CCNY: variants seen among roughly 807,000 people sequenced by gnomAD.
CCNY encodes the protein cyclin Y, also known as cyclin-Y.
In CCNY, 19 loss-of-function variants were observed where a neutral mutation model predicts 42.8. The ratio of observed to expected loss-of-function variants is 0.44; its 90% confidence interval spans 0.31 to 0.65. The LOEUF (loss-of-function observed/expected upper bound fraction) is 0.65. CCNY is among the 30% of genes least tolerant of loss of function. The pLI, the probability that CCNY is intolerant of heterozygous loss-of-function variation, is 0.07. For synonymous variants in CCNY, 165 were observed against 162.7 expected (o/e 1.01, Z -0.11); for missense variants, 370 against 437.3 (o/e 0.85, Z 1.37).
At chr10:35,266,608 G>GT (rs1456238539) in intron 3 of CCNY, among the ~76,000 whole-genome samples, 1 of 152,110 alleles carries the variant, frequency 6.6e-6, no homozygotes, top group Non-Finnish European at 1.5e-5. Context: ...CGAACAGAAT[G>GT]TAACAAGAGC....
chr10:35,540,866 CTG>C (rs748991891), intron 7 of CCNY, among the ~76,000 whole-genome samples: 3 of 152,088 alleles, frequency 2.0e-5, no homozygotes, highest in Non-Finnish European at 4.4e-5. Context: ...ATAATGTCCT[CTG>C]TTTTGTTTCT....
chr10:35,388,065 T>C (rs184688382), intron 1 of CCNY, among the ~76,000 whole-genome samples: 1 of 152,304 alleles, frequency 6.6e-6, no homozygotes, highest in East Asian at 1.9e-4. Flanking sequence ...CATTTCAGAA[T>C]GTGGCCTGAC....
intron 1 of CCNY, among the ~76,000 whole-genome samples, chr10:35,405,876 C>G (rs555673729): frequency 6.6e-6 from 1 of 152,290 alleles, no homozygotes; most frequent in Non-Finnish European, 1.5e-5. Context: ...AGATGGGACA[C>G]GGTTTAGGAG....
At chr10:35,443,059 C>T (rs926312191) in intron 1 of CCNY, among the ~76,000 whole-genome samples, 30 of 152,252 alleles carry the variant, frequency 2.0e-4, no homozygotes, top group Admixed American at 1.2e-3. Context: ...AGTAACAATA[C>T]GGTATAGAAG....
chr10:35,554,409 T>C (rs917216303), intron 8 of CCNY, among the ~76,000 whole-genome samples: 10 of 152,214 alleles, frequency 6.6e-5, no homozygotes, highest in African/African-American at 2.4e-4. Flanking sequence ...ATAAAGAAGT[T>C]TTTTTAATCA....
chr10:35,462,147 A>T (rs1839169977), intron 1 of CCNY, among the ~76,000 whole-genome samples: 1 of 152,236 alleles, frequency 6.6e-6, no homozygotes, highest in South Asian at 2.1e-4. Context: ...TGATGATTAA[A>T]TGTGAATATT....
At chr10:35,397,043 T>C (rs1328212870) in intron 1 of CCNY, among the ~76,000 whole-genome samples, 1 of 152,168 alleles carries the variant, frequency 6.6e-6, no homozygotes, top group East Asian at 1.9e-4. Flanking sequence ...ACGTGGCAGC[T>C]CCAGGTGCCC....
At chr10:35,303,307 A>T (rs909875983) in intron 3 of CCNY, among the ~76,000 whole-genome samples, 1 of 151,642 alleles carries the variant, frequency 6.6e-6, no homozygotes, top group African/African-American at 2.4e-5. Context: ...CAGCCTCCCG[A>T]GTAGCTGGGA....
In CCNY at chr10:35,566,371, G is replaced by A. The variant is rs1013883231; in HGVS notation, c.909+186G>A. On this transcript the variant is annotated intron_variant, in intron 9 of 9. Coordinates refer to ENST00000374704, the MANE Select transcript of CCNY (RefSeq NM_145012.6). ...CTGCTTCTTTTTTCTTTGAGACGGAGTCTCGCTCTGTCACCCAGCCTGGAG... is the reference window on the plus strand; with the variant it reads ...CTGCTTCTTTTTTCTTTGAGACGGAATCTCGCTCTGTCACCCAGCCTGGAG... 12 of 639,974 alleles carry A rather than the reference G, an allele frequency of 1.9e-5. No homozygotes were observed. The African/African-American group carries it at 2.2e-4, about 12-fold the overall frequency. 39.6% of individuals were successfully genotyped at this position (639,974 alleles called of 1,614,324 possible).
chr10:35,550,848 GC>G (rs1841239725), intron 7 of CCNY, among the ~76,000 whole-genome samples: 1 of 152,018 alleles, frequency 6.6e-6, no homozygotes, highest in Non-Finnish European at 1.5e-5. Flanking sequence ...CTCAGGACCA[GC>G]CCCTCCTTTT....
chr10:35,294,799 G>A (rs1259519371), intron 3 of CCNY, among the ~76,000 whole-genome samples: 1 of 152,204 alleles, frequency 6.6e-6, no homozygotes, highest in African/African-American at 2.4e-5. Flanking sequence ...ATTTTTGGAA[G>A]AGTTGGTGAA....
intron 3 of CCNY, among the ~76,000 whole-genome samples, chr10:35,279,759 A>T (rs926964708): frequency 6.6e-6 from 1 of 152,204 alleles, no homozygotes; most frequent in African/African-American, 2.4e-5. Flanking sequence ...CTGACTGTGC[A>T]TCAAGTCTGG....
rs562595285 is a variant in CCNY, at chr10:35,442,954, T to G, written c.155-40450T>G. Reference sequence around the variant, plus strand: ...GCCTGTTGCTCCTAGGCTACAAACTTGTACAGCATCTGACTGGACTGAATA... The same window carrying G: ...GCCTGTTGCTCCTAGGCTACAAACTGGTACAGCATCTGACTGGACTGAATA... On this transcript the variant is annotated intron_variant, in intron 1 of 9. Transcript: ENST00000374704. Among the ~76,000 whole-genome samples the G allele has an allele frequency of 5.3e-5, 8 of 152,338 alleles. No homozygotes were observed. The South Asian group carries it at 1.7e-3, about 32-fold the overall frequency.
intron 1 of CCNY, among the ~76,000 whole-genome samples, chr10:35,406,601 C>A (rs1342773028): frequency 6.6e-6 from 1 of 152,206 alleles, no homozygotes; most frequent in Non-Finnish European, 1.5e-5. Flanking sequence ...TAGTACAGAA[C>A]AAAATGAAAA....
intron 3 of CCNY, among the ~76,000 whole-genome samples, chr10:35,307,095 C>A (rs1835615580): frequency 6.6e-6 from 1 of 152,138 alleles, no homozygotes; most frequent in Non-Finnish European, 1.5e-5. Context: ...TAACCTTGTG[C>A]CCTCGGGTAA....
rs1338130056 is a variant in CCNY at position 35,553,025 on chromosome 10, C to G, written c.586C>G (p.Leu196Val). ...CATTGTCTTGTCTTCCCAGGTGTAC[C>G]TTGAAAGACTTTTAACATACGCAGA... ...AECAIVTLVY[L>V]ERLLTYAEID... The change falls in exon 8 of 10, where the codon CTT (leucine) becomes GTT (valine). Residue 196 changes from leucine to valine, a missense_variant. Physicochemically the swap from Leu to Val is conservative, Grantham distance 32. Around this residue, in one of 2 missense-constraint regions of CCNY, gnomAD observed 234 missense variants for 313.1 expected, o/e 0.75. Coordinates refer to ENST00000374704, the MANE Select transcript of CCNY (RefSeq NM_145012.6). 5 of 1,613,544 alleles carry G rather than the reference C, an allele frequency of 3.1e-6. No individual in the cohort carries two copies. The highest frequency in any genetic ancestry group is 3.4e-6 in the Non-Finnish European group (4 of 1,179,648).
At chr10:35,373,079 T>A (rs1045675081) in intron 1 of CCNY, among the ~76,000 whole-genome samples, 1 of 152,236 alleles carries the variant, frequency 6.6e-6, no homozygotes, top group Non-Finnish European at 1.5e-5. Context: ...GGGATAATTT[T>A]AAATGTAATA....
intron 7 of CCNY, among the ~76,000 whole-genome samples, chr10:35,537,258 C>T (rs931452237): frequency 6.6e-6 from 1 of 152,206 alleles, no homozygotes; most frequent in Non-Finnish European, 1.5e-5. Flanking sequence ...TATGGAAATG[C>T]CTGGATGTCC....
intron 1 of CCNY, among the ~76,000 whole-genome samples, chr10:35,475,735 G>T (rs1294564404): frequency 6.7e-6 from 1 of 149,690 alleles, no homozygotes; most frequent in Non-Finnish European, 1.5e-5. Flanking sequence ...ATCAACTAAC[G>T]AGCAAAATAA....
Sources: allele counts gnomAD v4.1 joint callset (sites outside exome capture counted in the v4.1 genomes callset), GRCh38; gene constraint gnomAD v4.1.1; regional missense constraint gnomAD v4.1.1; transcripts MANE v1.5; gene names NCBI Gene and HGNC (gene_info 2026-07-23, HGNC 2026-07-21).